Variants in NDUFAF5 observed in about 807,000 individuals in gnomAD.
NDUFAF5 encodes arginine-hydroxylase NDUFAF5, mitochondrial.
Under a neutral mutation model 48.9 loss-of-function variants are expected in NDUFAF5, and 34 were observed. That is an observed-to-expected ratio of 0.70 (90% confidence interval 0.53 to 0.93). NDUFAF5 has a LOEUF of 0.93. NDUFAF5 is among the 40% of genes least tolerant of loss of function. The pLI is 0.00. For missense variants in NDUFAF5, 428 were observed against 427.5 expected (o/e 1.00, Z -0.01); for synonymous variants, 153 against 150.6 (o/e 1.02, Z -0.12).
At chr20:13,807,677 C>G (rs1985248314) in intron 7 of NDUFAF5, among the ~76,000 whole-genome samples, 1 of 152,006 alleles carries the variant, frequency 6.6e-6, no homozygotes, top group East Asian at 1.9e-4. Flanking sequence ...GGCGCCATGG[C>G]CCACACTTGG....
intron 9 of NDUFAF5, 47 bp downstream of exon 9, chr20:13,816,593 T>C (rs1446775475): frequency 6.9e-7 from 1 of 1,447,130 alleles, no homozygotes; most frequent in Non-Finnish European, 9.7e-7. Flanking sequence ...GCACTTGTGC[T>C]GTATCATGTT....
rs1466526372 is a variant in NDUFAF5 at position 13,819,264 on chromosome 20, A to G, written c.*2054A>G. ...GATTAAGAGCTCATCCTTTTAAGCA[A>G]TGAAACTTTTAAAAGGTCTTTATCA... On this transcript the variant is annotated 3_prime_UTR_variant, in exon 11 of 11. Coordinates refer to ENST00000378106, the MANE Select transcript of NDUFAF5 (RefSeq NM_024120.5). 2.0e-5 allele frequency: 3 copies of G among 152,282 alleles called. No individual in the cohort carries two copies. The highest frequency in any genetic ancestry group is 4.4e-5 in the Non-Finnish European group (3 of 68,050). 9.4% of individuals were successfully genotyped at this position (152,282 alleles called of 1,614,324 possible).
At chr20:13,800,606 ATTAC>A (rs1016928643) in intron 6 of NDUFAF5, among the ~76,000 whole-genome samples, 1 of 152,246 alleles carries the variant, frequency 6.6e-6, no homozygotes, top group African/African-American at 2.4e-5. Flanking sequence ...AAATAAATTG[ATTAC>A]TTCTCTTTAA....
intron 8 of NDUFAF5, 134 bp from the exon 9 acceptor site, chr20:13,816,329 T>A: frequency 1.4e-6 from 1 of 726,964 alleles, no homozygotes. Context: ...GAAAGTGAAA[T>A]GAGATTTAGG....
chr20:13,798,326 C>T (rs932933657), intron 5 of NDUFAF5, 135 bp from the exon 6 acceptor site: 4 of 714,422 alleles, frequency 5.6e-6, no homozygotes, highest in African/African-American at 3.5e-5. Flanking sequence ...TGTATGAAAA[C>T]GATCAGTGGA....
chr20:13,802,259 G>C (rs999870876), intron 7 of NDUFAF5, among the ~76,000 whole-genome samples: 2 of 152,108 alleles, frequency 1.3e-5, no homozygotes, highest in Non-Finnish European at 2.9e-5. Flanking sequence ...ACGGTGACGG[G>C]GTAGGACAGT....
chr20:13,814,626 A>C, intron 8 of NDUFAF5: 1 of 492,988 alleles, frequency 2.0e-6, no homozygotes. Flanking sequence ...ACACTGTGAG[A>C]GTCTTAAACA....
intron 7 of NDUFAF5, among the ~76,000 whole-genome samples, chr20:13,807,061 T>G (rs1439091921): frequency 1.3e-5 from 2 of 151,736 alleles, no homozygotes; most frequent in Non-Finnish European, 2.9e-5. Context: ...TTTTTTTTTT[T>G]TTTGAGATGG....
At chr20:13,794,692 G>C in intron 4 of NDUFAF5, 146 bp from the exon 5 acceptor site, 1 of 663,562 alleles carries the variant, frequency 1.5e-6, no homozygotes, top group Non-Finnish European at 2.7e-6. Flanking sequence ...ATGCTTTTTG[G>C]GTGCCTTCTC....
intron 9 of NDUFAF5, 21 bp downstream of exon 9, chr20:13,816,567 C>G: frequency 6.3e-7 from 1 of 1,583,276 alleles, no homozygotes; most frequent in Non-Finnish European, 8.7e-7. Context: ...ACCACTCTTT[C>G]ACCCGCCTCA....
intron 8 of NDUFAF5, among the ~76,000 whole-genome samples, chr20:13,811,812 A>G (rs1985905465): frequency 6.6e-6 from 1 of 152,200 alleles, no homozygotes; most frequent in African/African-American, 2.4e-5. Context: ...TTTTATATAT[A>G]TAGACTGACA....
chr20:13,806,683 C>A (rs1985059695), intron 7 of NDUFAF5, among the ~76,000 whole-genome samples: 1 of 152,122 alleles, frequency 6.6e-6, no homozygotes, highest in South Asian at 2.1e-4. Context: ...AGATAACAGC[C>A]TGGAAAGAAT....
intron 6 of NDUFAF5, among the ~76,000 whole-genome samples, chr20:13,799,717 GAAAC>G (rs1412324711): frequency 6.6e-6 from 1 of 150,402 alleles, no homozygotes; most frequent in Non-Finnish European, 1.5e-5. Flanking sequence ...AAAAAAGAAA[GAAAC>G]TGATGCCTGG....
intron 5 of NDUFAF5, among the ~76,000 whole-genome samples, chr20:13,795,547 A>G (rs6033823): frequency 0.17 from 25,915 of 152,148 alleles, 2,901 homozygotes; most frequent in East Asian, 0.43. Flanking sequence ...GGCCAGGTAC[A>G]GTGGCTCTCA....
At chr20:13,806,144 T>G (rs1984971219) in intron 7 of NDUFAF5, among the ~76,000 whole-genome samples, 1 of 152,186 alleles carries the variant, frequency 6.6e-6, no homozygotes, top group Admixed American at 6.5e-5. Flanking sequence ...TGAATTATTT[T>G]CAGAGAATGA....
At position 13,816,479 on chromosome 20, in the gene NDUFAF5, C is replaced by T. The variant is rs1305679308; in HGVS notation, c.795C>T (p.Asn265=). The change falls in exon 9 of 11, where the codon AAC becomes AAT. Residue 265 remains asparagine (N), a synonymous_variant. Coordinates refer to ENST00000378106, the MANE Select transcript of NDUFAF5 (RefSeq NM_024120.5). ...MEDLQGMGES[N]CAWNRKALLH... ...TATTTGTAGGTATGGGTGAGAGTAA[C>T]TGTGCTTGGAATAGAAAAGCCCTGC... 1.2e-6 allele frequency: 2 copies of T among 1,613,764 alleles called. No homozygotes were observed. Among genetic ancestry groups the T allele is most frequent in the Non-Finnish European group, 1.7e-6 (2 of 1,179,790 alleles).
chr20:13,788,025 G>A (rs1014838719), intron 2 of NDUFAF5, among the ~76,000 whole-genome samples: 1 of 152,150 alleles, frequency 6.6e-6, no homozygotes, highest in African/African-American at 2.4e-5. Flanking sequence ...GAATTCAAGT[G>A]TTGACTGCCC....
chr20:13,785,044 C>CATTTGGGGT lies in NDUFAF5; in HGVS notation c.-25_-24insATTTGGGGT. The CATTTGGGGT allele has an allele frequency of 1.3e-6, 2 of 1,599,268 alleles. No homozygotes were observed. The highest frequency in any genetic ancestry group is 1.7e-6 in the Non-Finnish European group (2 of 1,174,092). ...CGCTGGCGCATGCGCACAAAAAGCG[C>CATTTGGGGT]CGGCAATTGGGGTCGCAGCTGGAGA... On this transcript the variant is annotated 5_prime_UTR_variant, in exon 1 of 11. Coordinates refer to ENST00000378106, the MANE Select transcript of NDUFAF5 (RefSeq NM_024120.5).
At position 13,818,383 on chromosome 20, in the gene NDUFAF5, C is replaced by T. The variant is rs1319093835; in HGVS notation, c.*1173C>T. ...TTTGAAACTGGGATACGCTTGGTAG[C>T]TTTTTTGTTTTAACACAAAGTAAAC... is the stretch of plus-strand genomic sequence containing the variant. On this transcript the variant is annotated 3_prime_UTR_variant, in exon 11 of 11. Transcript: ENST00000378106. 2 of 346,416 alleles carry T rather than the reference C, an allele frequency of 5.8e-6. No individual in the cohort carries two copies. Among genetic ancestry groups the T allele is most frequent in the Non-Finnish European group, 5.7e-6 (1 of 176,458 alleles). 21.5% of individuals were successfully genotyped at this position (346,416 alleles called of 1,614,324 possible).
Sources: allele counts gnomAD v4.1 joint callset (sites outside exome capture counted in the v4.1 genomes callset), GRCh38; gene constraint gnomAD v4.1.1; transcripts MANE v1.5; gene names NCBI Gene and HGNC (gene_info 2026-07-23, HGNC 2026-07-21).